Variants in DNAH7 observed in about 807,000 individuals in gnomAD.
DNAH7 encodes axonemal beta dynein heavy chain 7.
A neutral mutation model predicts 444.6 loss-of-function variants in DNAH7; 397 were observed. The observed-to-expected ratio is 0.89, with a 90% CI of 0.82 to 0.97. The LOEUF (loss-of-function observed/expected upper bound fraction) is 0.97. Ranked by LOEUF, DNAH7 falls within the 50% of genes least tolerant of loss-of-function variation. The probability of loss-of-function intolerance (pLI) is 0.00; values close to 1 mark genes in which losing one functional copy is unlikely to be tolerated. For synonymous variants in DNAH7, 1,636 were observed against 1,624.4 expected (o/e 1.01, Z -0.17); for missense variants, 4,902 against 4,800.8 (o/e 1.02, Z -0.62).
At chr2:196,005,044 G>A (rs1914967) in intron 10 of DNAH7, among the ~76,000 whole-genome samples, 25 of 151,088 alleles carry the variant, frequency 1.7e-4, no homozygotes, top group African/African-American at 5.8e-4. Flanking sequence ...GCCAAGGCAG[G>A]CAGATCACAA....
chr2:195,936,484 C>G, intron 20 of DNAH7, 115 bp downstream of exon 20: 1 of 628,622 alleles, frequency 1.6e-6, no homozygotes, highest in Non-Finnish European at 2.4e-6. Flanking sequence ...TTGGAACATT[C>G]TTGTAGAAAA....
chr2:195,976,729 G>A (rs1415945639), intron 15 of DNAH7, among the ~76,000 whole-genome samples: 3 of 145,730 alleles, frequency 2.1e-5, no homozygotes, highest in African/African-American at 7.8e-5. Flanking sequence ...AGCAGACAGA[G>A]AGAGACAGAG....
intron 54 of DNAH7, among the ~76,000 whole-genome samples, chr2:195,802,297 G>C (rs1043463028): frequency 3.3e-5 from 5 of 152,314 alleles, no homozygotes; most frequent in Middle Eastern, 3.4e-3. Flanking sequence ...GATCACCTGA[G>C]GGCAGGAGTT....
At chr2:195,954,095 T>C (rs1042552140) in intron 19 of DNAH7, among the ~76,000 whole-genome samples, 9 of 152,180 alleles carry the variant, frequency 5.9e-5, no homozygotes. Context: ...GTTACATATG[T>C]ATACATGTGC....
intron 19 of DNAH7, among the ~76,000 whole-genome samples, chr2:195,944,797 A>G (rs1440352281): frequency 1.3e-5 from 2 of 152,078 alleles, no homozygotes; most frequent in African/African-American, 4.8e-5. Flanking sequence ...TTTTCTGACC[A>G]CATCTTGAGC....
chr2:195,922,463 A>G (rs1688081681), intron 23 of DNAH7, among the ~76,000 whole-genome samples: 4 of 152,226 alleles, frequency 2.6e-5, no homozygotes, highest in Admixed American at 2.6e-4. Flanking sequence ...AATAGAGTGG[A>G]TATTACTCAT....
At chr2:195,875,599 T>C (rs951768958) in intron 38 of DNAH7, 76 bp downstream of exon 38, 1 of 1,398,626 alleles carries the variant, frequency 7.1e-7, no homozygotes, top group African/African-American at 1.4e-5. Flanking sequence ...CAAAAGAGGA[T>C]TTTTTTCCAG....
At chr2:196,031,195 A>G (rs1387821621) in intron 5 of DNAH7, among the ~76,000 whole-genome samples, 1 of 152,230 alleles carries the variant, frequency 6.6e-6, no homozygotes, top group East Asian at 1.9e-4. Context: ...GCTGCCAAGG[A>G]TTGAGGCTTG....
At chr2:195,784,824 C>T (rs537920803) in intron 58 of DNAH7, among the ~76,000 whole-genome samples, 99 of 151,960 alleles carry the variant, frequency 6.5e-4, no homozygotes, top group African/African-American at 2.4e-3. Context: ...GTTTTTATTT[C>T]TCTGATGACA....
intron 46 of DNAH7, among the ~76,000 whole-genome samples, chr2:195,847,143 A>T (rs925341725): frequency 6.8e-6 from 1 of 147,182 alleles, no homozygotes; most frequent in Non-Finnish European, 1.5e-5. Flanking sequence ...TTATATATAT[A>T]TCAGATATAT....
At chr2:195,915,215 A>G (rs1687600340) in intron 24 of DNAH7, among the ~76,000 whole-genome samples, 1 of 152,212 alleles carries the variant, frequency 6.6e-6, no homozygotes, top group Admixed American at 6.5e-5. Flanking sequence ...TGGTGTGATG[A>G]GAATCACTGA....
chr2:195,985,619 C>T (rs963849864), intron 14 of DNAH7, among the ~76,000 whole-genome samples: 8 of 152,054 alleles, frequency 5.3e-5, no homozygotes, highest in African/African-American at 1.7e-4. Context: ...TTTAATAGTC[C>T]TGATATGTCC....
intron 28 of DNAH7, 81 bp downstream of exon 28, chr2:195,900,200 GT>G: frequency 7.0e-7 from 1 of 1,427,204 alleles, no homozygotes; most frequent in Non-Finnish European, 9.8e-7. Flanking sequence ...AAACCAACAA[GT>G]TATTGGAATT....
intron 15 of DNAH7, among the ~76,000 whole-genome samples, chr2:195,981,721 G>A (rs186364346): frequency 1.3e-5 from 2 of 152,248 alleles, no homozygotes; most frequent in Non-Finnish European, 2.9e-5. Flanking sequence ...GATAAGGACA[G>A]TCTCTTCAAT....
intron 19 of DNAH7, among the ~76,000 whole-genome samples, chr2:195,956,650 C>CA (rs34080750): frequency 1.6e-3 from 203 of 125,274 alleles, no homozygotes; most frequent in Middle Eastern, 8.5e-3. Context: ...GACTCTGTCT[C>CA]AAAAAAAAAA....
At chr2:195,754,640 A>G in intron 62 of DNAH7, 126 bp from the exon 63 acceptor site, 4 of 872,152 alleles carry the variant, frequency 4.6e-6, no homozygotes, top group East Asian at 2.7e-5. Context: ...CCTCCCAAGT[A>G]GCTGGGAATA....
At chr2:196,039,692 A>C (rs759418825) in intron 5 of DNAH7, among the ~76,000 whole-genome samples, 1 of 151,456 alleles carries the variant, frequency 6.6e-6, no homozygotes, top group Non-Finnish European at 1.5e-5. Flanking sequence ...TCAGCTACTT[A>C]GGAGGTTGAG....
intron 51 of DNAH7, among the ~76,000 whole-genome samples, chr2:195,810,918 T>C (rs1261769940): frequency 6.6e-6 from 1 of 152,208 alleles, no homozygotes; most frequent in Non-Finnish European, 1.5e-5. Context: ...ATACAATTAA[T>C]ACAGGGTGAC....
At chr2:195,759,984 A>C (rs1425299939) in intron 61 of DNAH7, among the ~76,000 whole-genome samples, 2 of 152,152 alleles carry the variant, frequency 1.3e-5, no homozygotes, top group African/African-American at 2.4e-5. Context: ...GATCTAACCA[A>C]ATTTTAATAG....
Sources: allele counts gnomAD v4.1 joint callset (sites outside exome capture counted in the v4.1 genomes callset), GRCh38; gene constraint gnomAD v4.1.1; transcripts MANE v1.5; gene names NCBI Gene and HGNC (gene_info 2026-07-23, HGNC 2026-07-21).